Variants in SLC24A3 observed in about 807,000 individuals in gnomAD.
The protein encoded by SLC24A3 is sodium/potassium/calcium exchanger 3.
In SLC24A3, 28 loss-of-function variants were observed where a neutral mutation model predicts 75.8. That is an observed-to-expected ratio of 0.37 (90% CI 0.27 to 0.51). SLC24A3 has a LOEUF of 0.51. SLC24A3 is among the 20% of genes least tolerant of loss of function. The probability of loss-of-function intolerance (pLI) is 0.94; values close to 1 mark genes in which losing one functional copy is unlikely to be tolerated. For missense variants in SLC24A3, 663 were observed against 847.8 expected (o/e 0.78, Z 2.71); for synonymous variants, 372 against 334.1 (o/e 1.11, Z -1.24).
At chr20:19,523,100 T>G (rs1209825887) in intron 3 of SLC24A3, among the ~76,000 whole-genome samples, 1 of 152,150 alleles carries the variant, frequency 6.6e-6, no homozygotes, top group East Asian at 1.9e-4. Flanking sequence ...AGTTGCAAGG[T>G]ACAAAATCAA....
chr20:19,351,942 A>C (rs1028753368), intron 2 of SLC24A3, among the ~76,000 whole-genome samples: 1 of 152,068 alleles, frequency 6.6e-6, no homozygotes, highest in Non-Finnish European at 1.5e-5. Flanking sequence ...CCTGGGTGTC[A>C]TAGGTGGGGC....
At chr20:19,492,316 T>C (rs1442035115) in intron 2 of SLC24A3, among the ~76,000 whole-genome samples, 1 of 152,218 alleles carries the variant, frequency 6.6e-6, no homozygotes, top group African/African-American at 2.4e-5. Context: ...CTGCCACTTA[T>C]GAGTCATGTG....
intron 6 of SLC24A3, among the ~76,000 whole-genome samples, chr20:19,592,217 G>A (rs2031388237): frequency 6.6e-6 from 1 of 152,222 alleles, no homozygotes; most frequent in Non-Finnish European, 1.5e-5. Context: ...GAGCCATAAT[G>A]TTGGGCATTT....
intron 3 of SLC24A3, among the ~76,000 whole-genome samples, chr20:19,551,984 C>T (rs1207939296): frequency 6.6e-6 from 1 of 152,230 alleles, no homozygotes; most frequent in Admixed American, 6.5e-5. Flanking sequence ...TGTGGGGCTA[C>T]TCACGTCGCC....
At chr20:19,449,112 G>A (rs1987437421) in intron 2 of SLC24A3, among the ~76,000 whole-genome samples, 1 of 152,210 alleles carries the variant, frequency 6.6e-6, no homozygotes, top group African/African-American at 2.4e-5. Flanking sequence ...GGCCCATCAA[G>A]GGGCAACATC....
chr20:19,664,016 A>G (rs1007238498), intron 7 of SLC24A3, among the ~76,000 whole-genome samples: 14 of 152,290 alleles, frequency 9.2e-5, no homozygotes, highest in African/African-American at 3.1e-4. Flanking sequence ...AGCTGCTTTC[A>G]TATTCTATGT....
intron 6 of SLC24A3, among the ~76,000 whole-genome samples, chr20:19,625,422 T>C (rs569768250): frequency 2.6e-5 from 4 of 152,326 alleles, no homozygotes; most frequent in Non-Finnish European, 5.9e-5. Context: ...CCCTATACAG[T>C]GGGACATCTT....
At chr20:19,337,470 A>T (rs3058403) in intron 2 of SLC24A3, among the ~76,000 whole-genome samples, 28,888 of 86,518 alleles carry the variant, frequency 0.33, 2,996 homozygotes, top group East Asian at 0.53. Context: ...ATAAATAAAT[A>T]AATTAATTAA....
intron 3 of SLC24A3, among the ~76,000 whole-genome samples, chr20:19,546,244 G>C (rs944720546): frequency 4.6e-5 from 7 of 150,538 alleles, no homozygotes; most frequent in African/African-American, 1.7e-4. Context: ...GCAGGATGTG[G>C]CTGAAAGGAG....
At chr20:19,576,638 A>G (rs2031139788) in intron 3 of SLC24A3, among the ~76,000 whole-genome samples, 1 of 152,152 alleles carries the variant, frequency 6.6e-6, no homozygotes, top group Non-Finnish European at 1.5e-5. Flanking sequence ...TTTGATAGTC[A>G]TTACCCTCAA....
chr20:19,246,929 A>C (rs934518534), intron 1 of SLC24A3, among the ~76,000 whole-genome samples: 12 of 151,902 alleles, frequency 7.9e-5, no homozygotes, highest in African/African-American at 2.9e-4. Flanking sequence ...ATTAAGAAAT[A>C]ATAAAAGCAT....
At chr20:19,280,475 A>T (rs1406594879) in intron 1 of SLC24A3, among the ~76,000 whole-genome samples, 5 of 152,050 alleles carry the variant, frequency 3.3e-5, no homozygotes, top group Non-Finnish European at 5.9e-5. Context: ...GCTCTTATTG[A>T]CTCAGTGGAG....
At chr20:19,325,913 T>C (rs1984849948) in intron 2 of SLC24A3, among the ~76,000 whole-genome samples, 1 of 148,662 alleles carries the variant, frequency 6.7e-6, no homozygotes, top group African/African-American at 2.5e-5. Flanking sequence ...TTTATACACA[T>C]AGTCTGAGGG....
At chr20:19,565,906 A>G (rs547219144) in intron 3 of SLC24A3, among the ~76,000 whole-genome samples, 1 of 152,288 alleles carries the variant, frequency 6.6e-6, no homozygotes, top group South Asian at 2.1e-4. Context: ...TCCTCCAAAC[A>G]TAAGTTTACT....
chr20:19,677,553 A>C (rs879768337), intron 9 of SLC24A3, among the ~76,000 whole-genome samples: 9 of 151,032 alleles, frequency 6.0e-5, no homozygotes, highest in Non-Finnish European at 1.3e-4. Context: ...CCCCATCCAC[A>C]CCCTATTCAC....
chr20:19,550,454 C>A (rs1190095183), intron 3 of SLC24A3, among the ~76,000 whole-genome samples: 1 of 152,008 alleles, frequency 6.6e-6, no homozygotes, highest in African/African-American at 2.4e-5. Context: ...TGGGGTGAGG[C>A]CAATGAACAC....
At chr20:19,479,511 G>A (rs1373562096) in intron 2 of SLC24A3, among the ~76,000 whole-genome samples, 3 of 152,240 alleles carry the variant, frequency 2.0e-5, no homozygotes. Context: ...AAACCCCTGA[G>A]TGAAGATTCA....
chr20:19,451,380 C>T (rs1987478213), intron 2 of SLC24A3, among the ~76,000 whole-genome samples: 1 of 152,174 alleles, frequency 6.6e-6, no homozygotes, highest in South Asian at 2.1e-4. Context: ...TGTAACAGTC[C>T]TTGGCCCCGG....
At chr20:19,394,037 C>T (rs906682843) in intron 2 of SLC24A3, among the ~76,000 whole-genome samples, 2 of 152,086 alleles carry the variant, frequency 1.3e-5, no homozygotes, top group African/African-American at 4.8e-5. Flanking sequence ...GAATAGGTAG[C>T]CCATATATTA....
Sources: allele counts gnomAD v4.1 joint callset (sites outside exome capture counted in the v4.1 genomes callset), GRCh38; gene constraint gnomAD v4.1.1; transcripts MANE v1.5; gene names NCBI Gene and HGNC (gene_info 2026-07-23, HGNC 2026-07-21).